The following IQCM variants were observed in gnomAD, a reference collection of about 807,000 sequenced individuals.
The protein encoded by IQCM is IQ domain-containing protein M.
IQCM carries 45 observed loss-of-function variants against 57.6 expected under a neutral mutation model. The ratio of observed to expected loss-of-function variants is 0.78; its 90% CI spans 0.62 to 1.00. The LOEUF (loss-of-function observed/expected upper bound fraction) is 1.00, where lower values mean the gene tolerates loss of function less well. Among genes scored for constraint, IQCM ranks in the 50% least tolerant of loss-of-function variants. The probability of loss-of-function intolerance (pLI) is 0.00; values close to 1 mark genes in which losing one functional copy is unlikely to be tolerated. For synonymous variants in IQCM, 148 were observed against 158.9 expected, an observed-to-expected ratio of 0.93 and a Z score of 0.51; for missense variants, 468 against 511.6, an observed-to-expected ratio of 0.91 and a Z score of 0.82.
At chr4:149,666,579 C>G (rs1338215491) in intron 7 of IQCM, among the ~76,000 whole-genome samples, 2 of 152,058 alleles carry the variant, frequency 1.3e-5, no homozygotes, top group Admixed American at 6.6e-5. Flanking sequence ...CAAGACAGAA[C>G]CGTTTACTCC....
intron 7 of IQCM, among the ~76,000 whole-genome samples, chr4:149,681,094 G>A (rs1762142728): frequency 6.6e-6 from 1 of 151,292 alleles, no homozygotes; most frequent in South Asian, 2.1e-4. Flanking sequence ...CACAGAATTA[G>A]TAGAACTTTA....
At chr4:149,666,527 CAGG>C (rs1448451064) in intron 7 of IQCM, among the ~76,000 whole-genome samples, 2 of 152,106 alleles carry the variant, frequency 1.3e-5, no homozygotes, top group East Asian at 3.9e-4. Context: ...GAGCTAGCTG[CAGG>C]AGTTTTTGTT....
intron 12 of IQCM, among the ~76,000 whole-genome samples, chr4:149,509,713 G>A (rs993598878): frequency 6.6e-6 from 1 of 151,926 alleles, no homozygotes; most frequent in Non-Finnish European, 1.5e-5. Context: ...CTTTCACTGT[G>A]TATATAAATA....
chr4:149,635,391 T>C (rs1757633266), intron 7 of IQCM, among the ~76,000 whole-genome samples: 2 of 152,194 alleles, frequency 1.3e-5, no homozygotes, highest in African/African-American at 4.8e-5. Context: ...TCAACATCTT[T>C]ACTTTGTTCT....
At chr4:149,500,486 G>C (rs1226175032) in intron 12 of IQCM, among the ~76,000 whole-genome samples, 1 of 152,128 alleles carries the variant, frequency 6.6e-6, no homozygotes, top group Non-Finnish European at 1.5e-5. Context: ...TACTGAAATA[G>C]AGATGGCTGA....
At chr4:149,727,094 T>C (rs922863593) in intron 5 of IQCM, among the ~76,000 whole-genome samples, 1 of 152,264 alleles carries the variant, frequency 6.6e-6, no homozygotes, top group Admixed American at 6.5e-5. Flanking sequence ...CTTTTTACTG[T>C]TTAAAGTGGC....
At chr4:149,587,357 G>A (rs990710038) in intron 9 of IQCM, among the ~76,000 whole-genome samples, 2 of 151,636 alleles carry the variant, frequency 1.3e-5, no homozygotes, top group African/African-American at 4.8e-5. Context: ...CAGTGAATAA[G>A]AAAATACAAG....
chr4:149,611,037 T>C (rs909926218), intron 8 of IQCM, among the ~76,000 whole-genome samples: 3 of 152,014 alleles, frequency 2.0e-5, no homozygotes. Flanking sequence ...AATCTGATTT[T>C]AAAATAGGCA....
chr4:149,551,900 T>G (rs1408090057), intron 11 of IQCM, among the ~76,000 whole-genome samples: 2 of 151,830 alleles, frequency 1.3e-5, no homozygotes, highest in African/African-American at 2.4e-5. Context: ...TCTCTTCTCG[T>G]TTTCTCATTC....
At chr4:149,452,631 G>A (rs1015319480) in intron 12 of IQCM, among the ~76,000 whole-genome samples, 1 of 151,500 alleles carries the variant, frequency 6.6e-6, no homozygotes, top group African/African-American at 2.4e-5. Context: ...TACAAAATTA[G>A]TGTATACATA....
intron 8 of IQCM, among the ~76,000 whole-genome samples, chr4:149,597,413 T>C (rs1238017008): frequency 1.3e-5 from 2 of 152,132 alleles, no homozygotes; most frequent in South Asian, 2.1e-4. Context: ...GTTTTTGAGA[T>C]AGAGTCTCGC....
intron 8 of IQCM, among the ~76,000 whole-genome samples, chr4:149,595,828 A>T (rs561946978): frequency 6.6e-6 from 1 of 152,136 alleles, no homozygotes; most frequent in African/African-American, 2.4e-5. Context: ...AAATCTTCTC[A>T]TGGAGCCAGA....
intron 8 of IQCM, among the ~76,000 whole-genome samples, chr4:149,619,883 A>G (rs1314924815): frequency 6.6e-6 from 1 of 152,166 alleles, no homozygotes; most frequent in Non-Finnish European, 1.5e-5. Context: ...ATGGCCGGGC[A>G]TGGTGGCTGA....
chr4:149,486,023 C>A (rs918577001), intron 12 of IQCM, among the ~76,000 whole-genome samples: 1 of 110,218 alleles, frequency 9.1e-6, no homozygotes, highest in Non-Finnish European at 1.7e-5. Flanking sequence ...CAGAGTCTCT[C>A]TCTCTCTCTC....
At chr4:149,463,947 C>A (rs1264840001) in intron 12 of IQCM, among the ~76,000 whole-genome samples, 2 of 152,092 alleles carry the variant, frequency 1.3e-5, no homozygotes, top group South Asian at 4.1e-4. Context: ...ATAAGTAGGA[C>A]CTTTTTCGAA....
At chr4:149,615,822 C>T (rs1470485485) in intron 8 of IQCM, among the ~76,000 whole-genome samples, 1 of 152,080 alleles carries the variant, frequency 6.6e-6, no homozygotes, top group Non-Finnish European at 1.5e-5. Context: ...CCCTTGTTTC[C>T]ACTCCTCTTT....
intron 5 of IQCM, among the ~76,000 whole-genome samples, chr4:149,702,132 T>C (rs1344658695): frequency 6.6e-6 from 1 of 151,964 alleles, no homozygotes; most frequent in Non-Finnish European, 1.5e-5. Context: ...GAATGACTTA[T>C]ATCTGCCACA....
intron 13 of IQCM, among the ~76,000 whole-genome samples, chr4:149,356,725 C>A (rs865828445): frequency 2.0e-5 from 3 of 151,592 alleles, no homozygotes; most frequent in Non-Finnish European, 1.5e-5. Flanking sequence ...CTTGGTAATG[C>A]GGGCTCTTTT....
intron 13 of IQCM, among the ~76,000 whole-genome samples, chr4:149,424,134 C>T (rs1211897672): frequency 6.6e-6 from 1 of 151,766 alleles, no homozygotes; most frequent in African/African-American, 2.4e-5. Context: ...GAATGTTTCT[C>T]AAAAGCTTAC....
Sources: gnomAD v4.1 joint callset for allele counts (sites outside exome capture counted in the v4.1 genomes callset) on GRCh38, gnomAD v4.1.1 for gene constraint, MANE v1.5 for transcripts, NCBI Gene and HGNC (gene_info 2026-07-23, HGNC 2026-07-21) for gene names.